The following DNAAF4 variants were observed in gnomAD, a reference collection of about 807,000 sequenced individuals.
DNAAF4 encodes dynein assembly factor 4, axonemal.
In DNAAF4, 43 loss-of-function variants were observed where a neutral mutation model predicts 51.8. The ratio of observed to expected loss-of-function variants is 0.83; its 90% CI spans 0.65 to 1.07. The LOEUF is 1.07. DNAAF4 is among the 50% of genes least tolerant of loss of function. The pLI is 0.00. For missense variants in DNAAF4, 581 were observed against 493.0 expected (o/e 1.18, Z -1.69); for synonymous variants, 194 against 165.6 (o/e 1.17, Z -1.32).
At chr15:55,468,556 C>G (rs1387045547) in intron 4 of DNAAF4, among the ~76,000 whole-genome samples, 1 of 152,120 alleles carries the variant, frequency 6.6e-6, no homozygotes, top group Admixed American at 6.6e-5. Context: ...ATGAACACTC[C>G]ATGTTAGAGA....
At chr15:55,418,261 A>G (rs759636570) in intron 7 of DNAAF4, 3 of 1,556,328 alleles carry the variant, frequency 1.9e-6, no homozygotes, top group Non-Finnish European at 2.6e-6. Flanking sequence ...CAGACACAGA[A>G]ATGAAATCTG....
rs770222262 is a variant in DNAAF4, at chr15:55,498,351, T to G, written c.-22A>C. On this transcript the variant is annotated 5_prime_UTR_variant, in exon 2 of 10. Coordinates refer to ENST00000321149, the MANE Select transcript of DNAAF4 (RefSeq NM_130810.4). Reference sequence around the variant, plus strand: ...GCATTCCGGTAGCAACGGGAGCGGATAGCGCGGCTGGTTGCTTCTTGCGCC... The same window carrying G: ...GCATTCCGGTAGCAACGGGAGCGGAGAGCGCGGCTGGTTGCTTCTTGCGCC... 4.4e-6 allele frequency: 7 copies of G among 1,593,624 alleles called. No homozygotes were observed. Among genetic ancestry groups the G allele is most frequent in the South Asian group, 2.2e-5 (2 of 89,642 alleles).
At chr15:55,449,341 A>G (rs572128118) in intron 6 of DNAAF4, among the ~76,000 whole-genome samples, 2 of 151,704 alleles carry the variant, frequency 1.3e-5, no homozygotes, top group Non-Finnish European at 2.9e-5. Context: ...CAAATCAAAG[A>G]TGCATCAATT....
downstream of DNAAF4, among the ~76,000 whole-genome samples, chr15:55,429,778 T>C (rs1050053771): frequency 1.2e-4 from 17 of 145,858 alleles, no homozygotes; most frequent in African/African-American, 2.8e-4. Flanking sequence ...GATCGCGCCA[T>C]TGCACTCCAG....
intron 3 of DNAAF4, among the ~76,000 whole-genome samples, chr15:55,496,578 A>T (rs1396307360): frequency 6.6e-6 from 1 of 152,226 alleles, no homozygotes; most frequent in Non-Finnish European, 1.5e-5. Context: ...GTTAACACCT[A>T]ACGCAAAGTT....
At chr15:55,493,664 G>A (rs2058602686) in intron 3 of DNAAF4, among the ~76,000 whole-genome samples, 1 of 151,976 alleles carries the variant, frequency 6.6e-6, no homozygotes. Context: ...AAAAAAAAAT[G>A]GTTAAATAAA....
rs1017102445 is a variant in DNAAF4 at position 55,484,707 on chromosome 15, A to G, written c.405+6416T>C. ...ACTCACACAATCACAAGGTATCACA[A>G]TAGGCCTGCTGCAAGCTGTGAAGCA... On this transcript the variant is annotated intron_variant, in intron 4 of 9. Coordinates refer to ENST00000321149, the MANE Select transcript of DNAAF4 (RefSeq NM_130810.4). 3.3e-5 allele frequency among the ~76,000 whole-genome samples: 5 copies of G among 152,190 alleles called. No individual in the cohort carries two copies. In the South Asian group the frequency reaches 1.0e-3, roughly 31 times the overall value.
At chr15:55,491,535 T>C (rs2058571026) in intron 3 of DNAAF4, among the ~76,000 whole-genome samples, 1 of 150,080 alleles carries the variant, frequency 6.7e-6, no homozygotes, top group Non-Finnish European at 1.5e-5. Context: ...AGGGAGAGGG[T>C]GAGGATGAAG....
chr15:55,447,527 A>C (rs1297391819), intron 6 of DNAAF4, among the ~76,000 whole-genome samples: 1 of 151,586 alleles, frequency 6.6e-6, no homozygotes, highest in Non-Finnish European at 1.5e-5. Flanking sequence ...CAATCCCAGC[A>C]CCTCGGGAGG....
chr15:55,431,567 C>T (rs867711595), intron 9 of DNAAF4, among the ~76,000 whole-genome samples: 6 of 151,154 alleles, frequency 4.0e-5, no homozygotes, highest in South Asian at 2.1e-4. Context: ...CTCTGCCTTC[C>T]GGGTTCACGC....
intron 4 of DNAAF4, among the ~76,000 whole-genome samples, chr15:55,469,416 A>G (rs1005218775): frequency 4.7e-5 from 7 of 147,630 alleles, no homozygotes; most frequent in Non-Finnish European, 7.5e-5. Flanking sequence ...TACTCTCACA[A>G]CACTCCATAG....
chr15:55,455,589 A>C (rs1285306031), intron 5 of DNAAF4, among the ~76,000 whole-genome samples: 2 of 151,500 alleles, frequency 1.3e-5, no homozygotes, highest in African/African-American at 4.9e-5. Context: ...ATGCCACCAC[A>C]CCTGGCTAAT....
intron 6 of DNAAF4, among the ~76,000 whole-genome samples, chr15:55,445,315 C>T (rs2057781098): frequency 6.6e-6 from 1 of 151,978 alleles, no homozygotes; most frequent in African/African-American, 2.4e-5. Flanking sequence ...CCATTTAACC[C>T]TGAGTTGACA....
intron 1 of DNAAF4, among the ~76,000 whole-genome samples, chr15:55,507,556 A>G (rs1338755605): frequency 6.6e-6 from 1 of 152,204 alleles, no homozygotes; most frequent in Admixed American, 6.5e-5. Flanking sequence ...AATCAAAGAG[A>G]AACCATCATA....
chr15:55,433,087 G>C (rs969190688), intron 8 of DNAAF4, among the ~76,000 whole-genome samples: 1 of 152,158 alleles, frequency 6.6e-6, no homozygotes, highest in South Asian at 2.1e-4. Flanking sequence ...ATCACCCAAA[G>C]TCAGGAGCTT....
intron 4 of DNAAF4, among the ~76,000 whole-genome samples, chr15:55,475,056 G>A (rs2141537359): frequency 6.6e-6 from 1 of 152,286 alleles, no homozygotes; most frequent in South Asian, 2.1e-4. Context: ...GAGATGTAAA[G>A]TATATCCAAA....
chr15:55,491,655 ATATAT>A (rs1256113441), intron 3 of DNAAF4, among the ~76,000 whole-genome samples: 2 of 141,680 alleles, frequency 1.4e-5, no homozygotes, highest in Non-Finnish European at 3.0e-5. Context: ...AATATAAAAT[ATATAT>A]TATATATTAT....
chr15:55,436,325 AT>A (rs2057610004), intron 7 of DNAAF4, among the ~76,000 whole-genome samples: 1 of 152,118 alleles, frequency 6.6e-6, no homozygotes, highest in South Asian at 2.1e-4. Flanking sequence ...TTTACTAGCC[AT>A]TTGTCTCTCT....
intron 4 of DNAAF4, among the ~76,000 whole-genome samples, chr15:55,490,268 A>T (rs1350647834): frequency 6.6e-6 from 1 of 152,072 alleles, no homozygotes; most frequent in Non-Finnish European, 1.5e-5. Flanking sequence ...GTGTTAGGGG[A>T]AATGGGGAGT....
Sources: gnomAD v4.1 joint callset for allele counts (sites outside exome capture counted in the v4.1 genomes callset) on GRCh38, gnomAD v4.1.1 for gene constraint, MANE v1.5 for transcripts, NCBI Gene and HGNC (gene_info 2026-07-23, HGNC 2026-07-21) for gene names.